NLRP7: variants seen among roughly 807,000 people sequenced by gnomAD.
NLRP7 encodes NACHT, LRR and PYD domains-containing protein 7.
Under a neutral mutation model 85.5 loss-of-function variants are expected in NLRP7, and 72 were observed. The ratio of observed to expected loss-of-function variants is 0.84; its 90% CI spans 0.70 to 1.02. NLRP7 has a LOEUF of 1.02. Among genes scored for constraint, NLRP7 ranks in the 50% least tolerant of loss-of-function variants. The probability of loss-of-function intolerance (pLI) is 0.00; values close to 1 mark genes in which losing one functional copy is unlikely to be tolerated. For synonymous variants in NLRP7, 550 were observed against 505.2 expected, an observed-to-expected ratio of 1.09 and a Z score of -1.19; for missense variants, 1,243 against 1,219.5, an observed-to-expected ratio of 1.02 and a Z score of -0.29.
At chr19:54,955,029 T>G (rs756163171) in intron 1 of NLRP7, among the ~76,000 whole-genome samples, 2 of 151,090 alleles carry the variant, frequency 1.3e-5, no homozygotes, top group Non-Finnish European at 3.0e-5. Flanking sequence ...TACTTGCTTT[T>G]AAAAAATATC....
upstream of NLRP7, chr19:54,947,522 T>C (rs1224995983): frequency 1.6e-6 from 2 of 1,289,550 alleles, no homozygotes; most frequent in Non-Finnish European, 2.0e-6. Flanking sequence ...AGGAAACGGA[T>C]AAAAAGGGGA....
At chr19:54,951,439 C>G (rs1031200746), upstream of NLRP7, among the ~76,000 whole-genome samples, 2 of 151,814 alleles carry the variant, frequency 1.3e-5, no homozygotes, top group Non-Finnish European at 2.9e-5. Context: ...CCCAGCTACT[C>G]GAGAGGCTGA....
chr19:54,954,406 T>C lies in NLRP7; in HGVS notation c.-76-6901A>G, dbSNP rs776692585. 4.8e-5 allele frequency among the ~76,000 whole-genome samples: 7 copies of C among 146,624 alleles called. 1 individual carries two copies. Among genetic ancestry groups the C allele is most frequent in the Non-Finnish European group, 1.1e-4 (7 of 66,262 alleles). On this transcript the variant is annotated intron_variant, in intron 1 of 2. Coordinates refer to the NLRP7 transcript ENST00000587103. ...TTAGCTGGGTGCGGTGGCGGGCGCC[T>C]GTAGTCCCAGCTACTCGGGAGGCTG...
chr19:54,936,167 G>T, intron 6 of NLRP7, 94 bp downstream of exon 6: 1 of 1,077,042 alleles, frequency 9.3e-7, no homozygotes, highest in Non-Finnish European at 1.4e-6. Context: ...TGTCTGGGAC[G>T]GCATCTGGAG....
At chr19:54,932,488 C>T (rs1417737828) in intron 8 of NLRP7, among the ~76,000 whole-genome samples, 1 of 151,668 alleles carries the variant, frequency 6.6e-6, no homozygotes, top group Non-Finnish European at 1.5e-5. Context: ...AGGAACAGGT[C>T]TTCAACCCTA....
rs1329057985 is a variant in NLRP7 at position 54,939,649 on chromosome 19, G to A, written c.1170C>T (p.Arg390=). 3 of 1,611,840 alleles carry A rather than the reference G, an allele frequency of 1.9e-6. No homozygotes were observed. The African/African-American group carries it at 4.0e-5, about 22-fold the overall frequency. ...AGAGGAAACGCAGGAACAGCCCCGT[G>A]CGGGTGAGGCAGGTGGGGACCGGGT... The change falls in exon 4 of 10, where the codon CGC becomes CGT. Residue 390 remains arginine (R), a synonymous_variant. Coordinates refer to ENST00000340844, the Ensembl canonical transcript of NLRP7.
chr19:54,959,561 A>G (rs570045935), intron 1 of NLRP7, among the ~76,000 whole-genome samples: 219 of 151,764 alleles, frequency 1.4e-3, no homozygotes, highest in African/African-American at 4.9e-3. Flanking sequence ...GTCAGAGTGG[A>G]TAGCACTTTA....
chr19:54,946,487 G>A (rs1199369044), intron 1 of NLRP7, among the ~76,000 whole-genome samples: 3 of 149,940 alleles, frequency 2.0e-5, no homozygotes, highest in Non-Finnish European at 3.0e-5. Context: ...GAGCCACCGC[G>A]CCCAGCCTAC....
intron 1 of NLRP7, among the ~76,000 whole-genome samples, chr19:54,962,849 TC>T: frequency 1.3e-5 from 2 of 151,710 alleles, no homozygotes; most frequent in African/African-American, 2.4e-5. Flanking sequence ...TCCGCCCGCC[TC>T]GGCCTCCCAA....
At chr19:54,945,496 C>A (rs1418893075) in intron 1 of NLRP7, among the ~76,000 whole-genome samples, 1 of 151,992 alleles carries the variant, frequency 6.6e-6, no homozygotes, top group Non-Finnish European at 1.5e-5. Flanking sequence ...TCTTGAACTC[C>A]TGACCTCAGG....
At position 54,939,915 on chromosome 19, in the gene NLRP7, GC is replaced by G. The variant is rs1569540708; in HGVS notation, c.903del (p.Arg302GlyfsTer5). 6.2e-7 allele frequency: 1 copy of G among 1,614,004 alleles called. No individual in the cohort carries two copies. The highest frequency in any genetic ancestry group is 1.3e-5 in the African/African-American group (1 of 74,906). ...TGGAGGTCCCTCAGTGCCCTGGGCC[GC>G]GTGGTGACCAGCAAGGCTGCCCTGG... On this transcript the variant is annotated frameshift_variant, in exon 4 of 10. Transcript: ENST00000340844. LOFTEE classifies it high-confidence loss of function.
In NLRP7 at chr19:54,961,738, G is replaced by A. The variant is rs764365572; in HGVS notation, c.-77+4302C>T. On this transcript the variant is annotated intron_variant, in intron 1 of 2. Coordinates refer to the NLRP7 transcript ENST00000587103. ...GAGGCAAGAGAATTGCTTGAGCCCC[G>A]GAGGCAGAGGTTGCAGTGAGCCGAG... Among the ~76,000 whole-genome samples the A allele has an allele frequency of 5.3e-5, 8 of 151,420 alleles. 1 individual carries two copies. The highest frequency in any genetic ancestry group is 1.9e-4 in the East Asian group (1 of 5,166).
upstream of NLRP7, among the ~76,000 whole-genome samples, chr19:54,951,215 C>G (rs1355699457): frequency 6.6e-6 from 1 of 152,142 alleles, no homozygotes; most frequent in Admixed American, 6.6e-5. Context: ...TACACAGACA[C>G]AGTTACAATC....
At position 54,942,786 on chromosome 19, in the gene NLRP7, T is replaced by C. The variant is rs2069291116; in HGVS notation, c.-39-1036A>G. Reference sequence around the variant, plus strand: ...CCTCGCCACCAACCCTCAGAGCCACTTGTTTAACATTTCAGCCCACCACTG... The same window carrying C: ...CCTCGCCACCAACCCTCAGAGCCACCTGTTTAACATTTCAGCCCACCACTG... On this transcript the variant is annotated intron_variant, in intron 1 of 9. Coordinates refer to ENST00000340844, the Ensembl canonical transcript of NLRP7. 3.9e-5 allele frequency among the ~76,000 whole-genome samples: 6 copies of C among 152,092 alleles called. No individual in the cohort carries two copies. In the South Asian group the frequency reaches 1.2e-3, roughly 32 times the overall value.
intron 1 of NLRP7, among the ~76,000 whole-genome samples, chr19:54,955,253 C>G (rs779698448): frequency 5.3e-5 from 8 of 151,408 alleles, no homozygotes; most frequent in Non-Finnish European, 1.0e-4. Context: ...CACTTGAACC[C>G]GGGTGGCAGA....
rs558144906 is a variant in NLRP7, at chr19:54,934,847, T to C, written c.2301-188A>G. Among the ~76,000 whole-genome samples, 78 of 152,120 alleles carry C rather than the reference T, an allele frequency of 5.1e-4. No individual in the cohort carries two copies. The highest frequency in any genetic ancestry group is 7.7e-4 in the Non-Finnish European group (52 of 67,968). ...GCCTCAGCCTCCGAAGTAGCTGGGATTACAGGCATTCGCCAATTTTTGTAT... is the reference window on the plus strand; with the variant it reads ...GCCTCAGCCTCCGAAGTAGCTGGGACTACAGGCATTCGCCAATTTTTGTAT... On this transcript the variant is annotated intron_variant, in intron 6 of 9. Transcript: ENST00000340844. The surrounding 1 kb of genome is among the most constrained non-coding windows in gnomAD (Gnocchi z 6.7).
intron 1 of NLRP7, chr19:54,953,194 C>T (rs553705841): frequency 1.3e-5 from 2 of 152,220 alleles, no homozygotes; most frequent in African/African-American, 4.8e-5. Flanking sequence ...CAGCCACAGA[C>T]AAAACTCCTC....
intron 9 of NLRP7, among the ~76,000 whole-genome samples, chr19:54,925,974 T>C (rs1371330790): frequency 6.6e-6 from 1 of 150,414 alleles, no homozygotes; most frequent in Non-Finnish European, 1.5e-5. Flanking sequence ...CACTCCAGCC[T>C]GGGCGACAGA....
chr19:54,935,697 A>T (rs995452319), intron 6 of NLRP7, among the ~76,000 whole-genome samples: 2 of 75,274 alleles, frequency 2.7e-5, no homozygotes, highest in African/African-American at 2.6e-4. Flanking sequence ...TCTCAAAGAA[A>T]AAAAAAAAAA....
Sources: gnomAD v4.1 joint callset for allele counts (sites outside exome capture counted in the v4.1 genomes callset) on GRCh38, gnomAD v4.1.1 for gene constraint, Gnocchi (gnomAD v3.1) non-coding constraint, MANE v1.5 for transcripts, NCBI Gene and HGNC (gene_info 2026-07-23, HGNC 2026-07-21) for gene names.